Variants in PRKG1 observed in about 807,000 individuals in gnomAD.
The protein encoded by PRKG1 is cGMP-dependent protein kinase 1.
In PRKG1, 35 loss-of-function variants were observed where a neutral mutation model predicts 88.1. The ratio of observed to expected loss-of-function variants is 0.40; its 90% confidence interval spans 0.30 to 0.53. The LOEUF (loss-of-function observed/expected upper bound fraction) is 0.53, where lower values mean the gene tolerates loss of function less well. Ranked by LOEUF, PRKG1 falls within the 20% of genes least tolerant of loss-of-function variation. The pLI, the probability that PRKG1 is intolerant of heterozygous loss-of-function variation, is 0.59. For synonymous variants in PRKG1, 303 were observed against 292.5 expected, an observed-to-expected ratio of 1.04 and a Z score of -0.37; for missense variants, 540 against 839.8, an observed-to-expected ratio of 0.64 and a Z score of 4.41.
chr10:51,243,753 A>G (rs1839215239), intron 2 of PRKG1, among the ~76,000 whole-genome samples: 1 of 152,198 alleles, frequency 6.6e-6, no homozygotes, highest in Admixed American at 6.5e-5. Flanking sequence ...CAAGACTTAA[A>G]TGCACCTGGA....
At chr10:51,775,074 G>A (rs942865261) in intron 3 of PRKG1, among the ~76,000 whole-genome samples, 2 of 152,118 alleles carry the variant, frequency 1.3e-5, no homozygotes, top group Non-Finnish European at 2.9e-5. Context: ...TTTCAAAAGA[G>A]TATGGTTTTA....
At chr10:51,123,204 C>G (rs1845306576) in intron 1 of PRKG1, among the ~76,000 whole-genome samples, 1 of 152,170 alleles carries the variant, frequency 6.6e-6, no homozygotes, top group Non-Finnish European at 1.5e-5. Flanking sequence ...CTATCAATGA[C>G]TGAAGTCAGA....
chr10:51,407,851 C>A (rs1410392748), intron 2 of PRKG1, among the ~76,000 whole-genome samples: 4 of 152,196 alleles, frequency 2.6e-5, no homozygotes, highest in Non-Finnish European at 5.9e-5. Flanking sequence ...AGACTGATTT[C>A]ATCTTGATAG....
intron 3 of PRKG1, among the ~76,000 whole-genome samples, chr10:51,623,631 TG>T (rs1401232279): frequency 6.6e-6 from 1 of 152,224 alleles, no homozygotes; most frequent in African/African-American, 2.4e-5. Context: ...GAAGAAACTA[TG>T]GAATTGCTTA....
At chr10:51,169,296 A>C (rs756297064) in intron 2 of PRKG1, among the ~76,000 whole-genome samples, 6 of 152,172 alleles carry the variant, frequency 3.9e-5, no homozygotes, top group Admixed American at 3.9e-4. Flanking sequence ...GTAAACCTAC[A>C]TTGTGAGCTA....
chr10:51,645,065 G>C (rs762557470), intron 3 of PRKG1, among the ~76,000 whole-genome samples: 1 of 152,138 alleles, frequency 6.6e-6, no homozygotes, highest in African/African-American at 2.4e-5. Context: ...CAAGTGATCT[G>C]TCTGCCTCGG....
At chr10:51,261,260 T>C (rs530771188) in intron 2 of PRKG1, among the ~76,000 whole-genome samples, 23 of 152,228 alleles carry the variant, frequency 1.5e-4, no homozygotes, top group Non-Finnish European at 3.2e-4. Flanking sequence ...TTTTGTTACA[T>C]TTGGAAAATT....
intron 3 of PRKG1, among the ~76,000 whole-genome samples, chr10:51,518,533 C>T (rs1252222924): frequency 2.0e-5 from 3 of 152,134 alleles, no homozygotes; most frequent in Non-Finnish European, 2.9e-5. Flanking sequence ...AAATAGTTTG[C>T]TCCATTATCT....
intron 2 of PRKG1, among the ~76,000 whole-genome samples, chr10:51,392,175 G>T (rs1395884104): frequency 6.6e-6 from 1 of 150,918 alleles, no homozygotes; most frequent in Non-Finnish European, 1.5e-5. Flanking sequence ...GGTGTTTCTC[G>T]CAGAGGGGGA....
At chr10:51,604,821 G>A (rs534045394) in intron 3 of PRKG1, among the ~76,000 whole-genome samples, 23 of 152,314 alleles carry the variant, frequency 1.5e-4, no homozygotes, top group Middle Eastern at 3.4e-3. Context: ...CCAAGTGGGC[G>A]TGTGTTACAG....
chr10:51,651,667 T>A (rs1840042609), intron 3 of PRKG1, among the ~76,000 whole-genome samples: 1 of 151,732 alleles, frequency 6.6e-6, no homozygotes, highest in African/African-American at 2.4e-5. Flanking sequence ...CACTGCAACC[T>A]CTGCCTCCCA....
At chr10:51,084,571 G>A (rs368518390) in intron 1 of PRKG1, among the ~76,000 whole-genome samples, 1 of 152,156 alleles carries the variant, frequency 6.6e-6, no homozygotes, top group African/African-American at 2.4e-5. Flanking sequence ...TCTACATAGA[G>A]GTGGAGAGAA....
intron 4 of PRKG1, among the ~76,000 whole-genome samples, chr10:51,837,783 T>C (rs1840169123): frequency 6.6e-6 from 1 of 152,206 alleles, no homozygotes; most frequent in Non-Finnish European, 1.5e-5. Flanking sequence ...CATAACCCAA[T>C]GCTTGGGCCC....
At position 51,299,736 on chromosome 10, in the gene PRKG1, C is replaced by G. The variant is rs141418404; in HGVS notation, c.478+146406C>G. 727 of 392,778 alleles carry G rather than the reference C, an allele frequency of 1.9e-3. 7 individuals are homozygous for G. The highest frequency in any genetic ancestry group is 0.014 in the African/African-American group (638 of 44,774). 24.3% of individuals were successfully genotyped at this position (392,778 alleles called of 1,614,324 possible). ...CTGCACATGTGTTTTTTCCTGGCCTCTCAATGACATTATAAGCTTCTATTA... is the reference window on the plus strand; with the variant it reads ...CTGCACATGTGTTTTTTCCTGGCCTGTCAATGACATTATAAGCTTCTATTA... On this transcript the variant is annotated intron_variant, in intron 2 of 17. Coordinates refer to ENST00000373980, the MANE Select transcript of PRKG1 (RefSeq NM_006258.4).
chr10:52,205,508 A>G (rs1292445257), intron 9 of PRKG1, among the ~76,000 whole-genome samples: 1 of 152,122 alleles, frequency 6.6e-6, no homozygotes, highest in Non-Finnish European at 1.5e-5. Flanking sequence ...AATAATGTCA[A>G]TGGTCTATGT....
At chr10:51,890,726 C>T (rs375914902) in intron 4 of PRKG1, among the ~76,000 whole-genome samples, 1 of 152,232 alleles carries the variant, frequency 6.6e-6, no homozygotes, top group East Asian at 1.9e-4. Context: ...GAGGTCAAGG[C>T]GGGTGGATCA....
chr10:51,793,173 T>TA (rs1379346983), intron 3 of PRKG1, among the ~76,000 whole-genome samples: 4 of 141,014 alleles, frequency 2.8e-5, no homozygotes, highest in Admixed American at 6.9e-5. Flanking sequence ...AACAACAATT[T>TA]AACAAACAGA....
chr10:51,543,344 G>A (rs1340126129), intron 3 of PRKG1, among the ~76,000 whole-genome samples: 3 of 152,122 alleles, frequency 2.0e-5, no homozygotes, highest in African/African-American at 7.2e-5. Flanking sequence ...AAAATAATTT[G>A]TATAAACACC....
At chr10:51,157,268 T>C (rs1846238804) in intron 2 of PRKG1, among the ~76,000 whole-genome samples, 1 of 151,950 alleles carries the variant, frequency 6.6e-6, no homozygotes, top group South Asian at 2.1e-4. Context: ...AAGTGCTACC[T>C]AGTAGAAGTT....
Sources: gnomAD v4.1 joint callset for allele counts (sites outside exome capture counted in the v4.1 genomes callset) on GRCh38, gnomAD v4.1.1 for gene constraint, MANE v1.5 for transcripts, NCBI Gene and HGNC (gene_info 2026-07-23, HGNC 2026-07-21) for gene names.